PHLDB2: variants seen among roughly 807,000 people sequenced by gnomAD.
PHLDB2 encodes pleckstrin homology-like domain family B member 2.
A neutral mutation model predicts 123.6 loss-of-function variants in PHLDB2; 71 were observed. The ratio of observed to expected loss-of-function variants is 0.57; its 90% confidence interval spans 0.47 to 0.70. The LOEUF (loss-of-function observed/expected upper bound fraction) is 0.70. PHLDB2 is among the 30% of genes least tolerant of loss of function. PHLDB2 has a pLI of 0.00. For missense variants in PHLDB2, 1,446 were observed against 1,519.5 expected (o/e 0.95, Z 0.80); for synonymous variants, 547 against 541.6 (o/e 1.01, Z -0.14).
At chr3:111,950,658 G>A (rs1002267038) in intron 10 of PHLDB2, among the ~76,000 whole-genome samples, 2 of 152,090 alleles carry the variant, frequency 1.3e-5, no homozygotes, top group East Asian at 3.8e-4. Flanking sequence ...ATACCTACAG[G>A]AATTTGGTGC....
intron 1 of PHLDB2, among the ~76,000 whole-genome samples, chr3:111,753,082 T>C (rs1351459538): frequency 6.6e-6 from 1 of 152,202 alleles, no homozygotes; most frequent in Non-Finnish European, 1.5e-5. Flanking sequence ...AAGTCTTTGC[T>C]ATTGTGAATA....
intron 1 of PHLDB2, among the ~76,000 whole-genome samples, chr3:111,800,049 G>A (rs2061321871): frequency 6.6e-6 from 1 of 152,094 alleles, no homozygotes; most frequent in African/African-American, 2.4e-5. Flanking sequence ...CTGTTACCCA[G>A]GCTTGAGTGT....
intron 11 of PHLDB2, among the ~76,000 whole-genome samples, chr3:111,953,104 T>C (rs147275250): frequency 6.6e-6 from 1 of 152,218 alleles, no homozygotes; most frequent in Admixed American, 6.5e-5. Flanking sequence ...TTATGTGGAT[T>C]GCTTCATTTG....
chr3:111,950,149 T>G (rs1213076015), intron 10 of PHLDB2, among the ~76,000 whole-genome samples: 1 of 152,222 alleles, frequency 6.6e-6, no homozygotes, highest in Non-Finnish European at 1.5e-5. Flanking sequence ...TCAGTTACCA[T>G]TCAACCAAAA....
intron 8 of PHLDB2, among the ~76,000 whole-genome samples, chr3:111,942,422 T>G (rs192980772): frequency 5.4e-4 from 83 of 152,344 alleles, no homozygotes; most frequent in African/African-American, 1.9e-3. Flanking sequence ...ACCTCTAAAT[T>G]GATACTTGTG....
At chr3:111,938,028 T>C (rs1400101132) in intron 6 of PHLDB2, among the ~76,000 whole-genome samples, 1 of 152,196 alleles carries the variant, frequency 6.6e-6, no homozygotes, top group Non-Finnish European at 1.5e-5. Context: ...CTGATCTTCC[T>C]TAAATGTCCT....
At chr3:111,967,120 T>C (rs1248749721) in intron 14 of PHLDB2, among the ~76,000 whole-genome samples, 2 of 152,168 alleles carry the variant, frequency 1.3e-5, no homozygotes, top group Non-Finnish European at 2.9e-5. Context: ...AATCCCACGT[T>C]TTTATGACTG....
intron 1 of PHLDB2, among the ~76,000 whole-genome samples, chr3:111,815,495 C>A (rs2062034811): frequency 6.6e-6 from 1 of 152,144 alleles, no homozygotes; most frequent in African/African-American, 2.4e-5. Flanking sequence ...GAAACTAGAG[C>A]AAAGATGATT....
chr3:111,942,164 C>T (rs1173595251), intron 8 of PHLDB2, among the ~76,000 whole-genome samples: 2 of 152,026 alleles, frequency 1.3e-5, no homozygotes, highest in Non-Finnish European at 2.9e-5. Flanking sequence ...AATGGGTAAG[C>T]ACAATCACAG....
At chr3:111,948,788 A>G in intron 9 of PHLDB2, 144 bp from the exon 10 acceptor site, 1 of 676,238 alleles carries the variant, frequency 1.5e-6, no homozygotes, top group South Asian at 2.6e-5. Context: ...ATTGCTGATT[A>G]TTCCTTTAAT....
chr3:111,766,837 A>G (rs1262215681), intron 1 of PHLDB2, among the ~76,000 whole-genome samples: 1 of 152,138 alleles, frequency 6.6e-6, no homozygotes, highest in Non-Finnish European at 1.5e-5. Flanking sequence ...GTTCAAGACC[A>G]GCCTGGCCAA....
intron 1 of PHLDB2, among the ~76,000 whole-genome samples, chr3:111,780,365 A>G (rs913433895): frequency 5.6e-5 from 2 of 35,732 alleles, no homozygotes; most frequent in Non-Finnish European, 1.8e-4. Flanking sequence ...GAAGAAGAAG[A>G]AGAAGAAGAA....
intron 2 of PHLDB2, among the ~76,000 whole-genome samples, chr3:111,849,187 T>G (rs1488012166): frequency 2.0e-5 from 3 of 152,224 alleles, no homozygotes; most frequent in Non-Finnish European, 2.9e-5. Context: ...TTGTTTGTTT[T>G]TTTGATATGG....
At chr3:111,896,377 CT>C (rs2066872670) in intron 2 of PHLDB2, among the ~76,000 whole-genome samples, 1 of 149,694 alleles carries the variant, frequency 6.7e-6, no homozygotes, top group African/African-American at 2.5e-5. Context: ...CGGAGTCTCC[CT>C]CTGTTGCCCA....
chr3:111,875,830 A>G (rs2065586862), intron 1 of PHLDB2, among the ~76,000 whole-genome samples: 1 of 152,024 alleles, frequency 6.6e-6, no homozygotes, highest in Non-Finnish European at 1.5e-5. Flanking sequence ...CAAAAAAAAA[A>G]AAAAAAGAAA....
chr3:111,734,774 A>G (rs542173357), intron 1 of PHLDB2, among the ~76,000 whole-genome samples: 1 of 152,284 alleles, frequency 6.6e-6, no homozygotes, highest in African/African-American at 2.4e-5. Context: ...TGCATTTCCC[A>G]TAAGGTCATG....
chr3:111,973,718 A>C lies in PHLDB2; in HGVS notation c.3536-14A>C. ...AGTGGCGATAAAGTATTTAACACTT[A>C]TCTGTCTTTGCAGACAAGCATGAAA... On this transcript the variant is annotated splice_polypyrimidine_tract_variant and intron_variant, in intron 16 of 17. Coordinates refer to ENST00000431670, the MANE Select transcript of PHLDB2 (RefSeq NM_001134438.2). The C allele has an allele frequency of 1.3e-6, 2 of 1,514,244 alleles. No homozygotes were observed. The highest frequency in any genetic ancestry group is 9.1e-7 in the Non-Finnish European group (1 of 1,096,248). The allele number at this position is 1,514,244 out of a possible 1,614,324, so 93.8% of individuals were successfully genotyped here. A position where few individuals can be genotyped will look rare whatever the true frequency, so the allele number is the denominator to read the frequency against.
chr3:111,952,742 C>A, intron 11 of PHLDB2, 30 bp downstream of exon 11: 1 of 1,600,710 alleles, frequency 6.2e-7, no homozygotes, highest in South Asian at 1.1e-5. Flanking sequence ...ACGGGCTTCC[C>A]ATTCCATGAG....
chr3:111,792,681 G>A lies in PHLDB2; in HGVS notation c.-48-53140G>A, dbSNP rs78745005. On this transcript the variant is annotated intron_variant, in intron 1 of 17. Coordinates refer to the PHLDB2 transcript ENST00000393923. ...CTGATCACGCCACTACACTCCATCCGGGGTGACCAAACAAGACCCTGTCTC... is the reference window on the plus strand; with the variant it reads ...CTGATCACGCCACTACACTCCATCCAGGGTGACCAAACAAGACCCTGTCTC... Among the ~76,000 whole-genome samples, 749 of 151,948 alleles carry A rather than the reference G, an allele frequency of 4.9e-3. 7 individuals are homozygous for A. The highest frequency in any genetic ancestry group is 0.017 in the African/African-American group (712 of 41,428).
Sources: gnomAD v4.1 joint callset for allele counts (sites outside exome capture counted in the v4.1 genomes callset) on GRCh38, gnomAD v4.1.1 for gene constraint, MANE v1.5 for transcripts, NCBI Gene and HGNC (gene_info 2026-07-23, HGNC 2026-07-21) for gene names.